Variants in VSTM2B observed in about 807,000 individuals in gnomAD.
The protein encoded by VSTM2B is V-set and transmembrane domain-containing protein 2B.
In VSTM2B, 24 loss-of-function variants were observed where a neutral mutation model predicts 24.0. The ratio of observed to expected loss-of-function variants is 1.00; its 90% confidence interval spans 0.72 to 1.40. The LOEUF (loss-of-function observed/expected upper bound fraction) is 1.40, where lower values mean the gene tolerates loss of function less well. VSTM2B is among the 40% of genes most tolerant of loss of function. The pLI is 0.00. For synonymous variants in VSTM2B, 226 were observed against 194.4 expected, an observed-to-expected ratio of 1.16 and a Z score of -1.35; for missense variants, 399 against 416.4, an observed-to-expected ratio of 0.96 and a Z score of 0.36.
At chr19:29,550,395 G>T (rs1568445192) in intron 4 of VSTM2B, among the ~76,000 whole-genome samples, 1 of 152,202 alleles carries the variant, frequency 6.6e-6, no homozygotes, top group Non-Finnish European at 1.5e-5. Context: ...TTGCACCACT[G>T]TACTCCAGCC....
chr19:29,528,589 G>A, intron 3 of VSTM2B, 127 bp downstream of exon 3: 2 of 1,199,452 alleles, frequency 1.7e-6, no homozygotes, highest in Non-Finnish European at 2.4e-6. Flanking sequence ...AGCGATCGCA[G>A]CCTTGCATCG....
chr19:29,530,591 G>T (rs529209201), intron 4 of VSTM2B, among the ~76,000 whole-genome samples: 2 of 152,114 alleles, frequency 1.3e-5, no homozygotes, highest in African/African-American at 4.8e-5. Flanking sequence ...CCTCTTTTGG[G>T]TTTGGAGAAC....
intron 4 of VSTM2B, among the ~76,000 whole-genome samples, chr19:29,551,046 A>G (rs76947410): frequency 0.064 from 9,788 of 152,320 alleles, 473 homozygotes; most frequent in African/African-American, 0.13. Context: ...GAAGCCATCC[A>G]TACTTCTAGA....
chr19:29,530,554 G>T (rs1488518954), intron 4 of VSTM2B, among the ~76,000 whole-genome samples: 2 of 152,190 alleles, frequency 1.3e-5, no homozygotes. Context: ...CTCAGGGTAC[G>T]CTGGAGGCTG....
chr19:29,554,518 G>A (rs937556151), intron 4 of VSTM2B, among the ~76,000 whole-genome samples: 5 of 152,130 alleles, frequency 3.3e-5, no homozygotes, highest in Non-Finnish European at 5.9e-5. Flanking sequence ...CAACAAGTCT[G>A]CAAAATAACC....
chr19:29,527,158 C>T, intron 1 of VSTM2B, 53 bp from the exon 2 acceptor site: 1 of 1,490,306 alleles, frequency 6.7e-7, no homozygotes, highest in Non-Finnish European at 9.1e-7. Flanking sequence ...TTAGGTTGCC[C>T]CAGGCCCCCG....
chr19:29,560,769 A>G lies in VSTM2B; in HGVS notation c.770-3077A>G, dbSNP rs532441361. Reference sequence around the variant, plus strand: ...AGTAGGTGAGGCTGTGATAGTGCCAATGACTAGTTGGGAGTACTTAGAGGC... The same window carrying G: ...AGTAGGTGAGGCTGTGATAGTGCCAGTGACTAGTTGGGAGTACTTAGAGGC... On this transcript the variant is annotated intron_variant, in intron 4 of 4. Transcript: ENST00000335523. Among the ~76,000 whole-genome samples the G allele has an allele frequency of 3.3e-4, 50 of 152,322 alleles. No homozygotes were observed. In the South Asian group the frequency reaches 0.01, roughly 31 times the overall value.
At chr19:29,535,512 G>A (rs374929115) in intron 4 of VSTM2B, among the ~76,000 whole-genome samples, 2 of 152,102 alleles carry the variant, frequency 1.3e-5, no homozygotes, top group East Asian at 3.9e-4. Flanking sequence ...GTGCCCACAC[G>A]GAGAACTGGC....
intron 4 of VSTM2B, among the ~76,000 whole-genome samples, chr19:29,535,147 C>T (rs572587444): frequency 5.7e-4 from 87 of 152,320 alleles, no homozygotes; most frequent in African/African-American, 1.9e-3. Flanking sequence ...GGCTGGGCCC[C>T]GTCTTAGCTG....
intron 4 of VSTM2B, among the ~76,000 whole-genome samples, chr19:29,551,876 C>A (rs1470931358): frequency 6.6e-6 from 1 of 152,222 alleles, no homozygotes; most frequent in African/African-American, 2.4e-5. Context: ...CCCAGGAACA[C>A]AGATGTCTCC....
At position 29,527,389 on chromosome 19, in the gene VSTM2B, G is replaced by C. The variant is rs762611968; in HGVS notation, c.261G>C (p.Arg87=). 4 of 1,531,786 alleles carry C rather than the reference G, an allele frequency of 2.6e-6. No individual in the cohort carries two copies. In the South Asian group the frequency reaches 4.9e-5, roughly 19 times the overall value. The allele number at this position is 1,531,786 out of a possible 1,614,324, so 94.9% of individuals were successfully genotyped here. A position where few individuals can be genotyped will look rare whatever the true frequency, so the allele number is the denominator to read the frequency against. ...HELALSVPGA[R]SKVTNKDATK... ...TGGCGCTCAGCGTGCCGGGCGCCCG[G>C]AGCAAGGTAACCCGCCGCCCACGCG... Residue 87 remains arginine (R), a synonymous_variant, in exon 2 of 5, where the codon CGG becomes CGC. Transcript: ENST00000335523.
rs906911623 is a variant in VSTM2B, at chr19:29,529,757, G to A, written c.298-62G>A. 20 of 1,484,430 alleles carry A rather than the reference G, an allele frequency of 1.3e-5. No individual in the cohort carries two copies. The East Asian group carries it at 1.8e-4, about 13-fold the overall frequency. The allele number at this position is 1,484,430 out of a possible 1,614,324, so 92.0% of individuals were successfully genotyped here. ...GCGGATGAGGGGGCGCGACGGCCAGGGTGGCCAGAAGAGTAGGTTTGGGAG... is the reference window on the plus strand; with the variant it reads ...GCGGATGAGGGGGCGCGACGGCCAGAGTGGCCAGAAGAGTAGGTTTGGGAG... On this transcript the variant is annotated intron_variant, in intron 3 of 4. Transcript: ENST00000335523.
At chr19:29,530,321 C>CG (rs1264204245) in intron 4 of VSTM2B, 31 bp downstream of exon 4, 2 of 1,472,610 alleles carry the variant, frequency 1.4e-6, no homozygotes, top group East Asian at 5.9e-5. Context: ...GGCGCACGCG[C>CG]GGGGATGGCG....
At position 29,526,463 on chromosome 19, in the gene VSTM2B, C is replaced by T. The variant is rs1012148674; in HGVS notation, c.-121C>T. The T allele has an allele frequency of 1.6e-5, 8 of 514,196 alleles. No individual in the cohort carries two copies. The highest frequency in any genetic ancestry group is 1.7e-5 in the Non-Finnish European group (6 of 357,940). The allele number at this position is 514,196 out of a possible 1,614,324, so 31.9% of individuals were successfully genotyped here. A position where few individuals can be genotyped will look rare whatever the true frequency, so the allele number is the denominator to read the frequency against. The stretch of plus-strand genomic sequence containing the variant: ...GGCCGCCGGCGGCCAGGGGAGGGGG[C>T]GCCGCGCGGGGCCATGGCAGGCTCG... On this transcript the variant is annotated 5_prime_UTR_variant, in exon 1 of 5. Transcript: ENST00000335523. This position sits in a 1 kb window ranked among gnomAD's most constrained non-coding sequence, Gnocchi z 4.1.
intron 4 of VSTM2B, among the ~76,000 whole-genome samples, chr19:29,550,746 G>A (rs2145500700): frequency 6.6e-6 from 1 of 151,996 alleles, no homozygotes. Context: ...CAGGCTGCAA[G>A]AGCCAGACCA....
chr19:29,540,898 G>T (rs1323769860), intron 4 of VSTM2B, among the ~76,000 whole-genome samples: 1 of 152,152 alleles, frequency 6.6e-6, no homozygotes, highest in Non-Finnish European at 1.5e-5. Flanking sequence ...AGTCAGGGAA[G>T]GGTCACCAAG....
chr19:29,526,732 G>T lies in VSTM2B; in HGVS notation c.82+67G>T. The stretch of plus-strand genomic sequence containing the variant: ...TCTTTGCTGGGGCCGCCACCGAGAA[G>T]AAGAAGAAAGAGAACGAACCGGGAA... On this transcript the variant is annotated intron_variant, in intron 1 of 4. Transcript: ENST00000335523. The surrounding 1 kb of genome is among the most constrained non-coding windows in gnomAD (Gnocchi z 4.1). 2 of 1,390,430 alleles carry T rather than the reference G, an allele frequency of 1.4e-6. No individual in the cohort carries two copies. Among genetic ancestry groups the T allele is most frequent in the Admixed American group, 2.1e-5 (1 of 47,464 alleles). The allele number at this position is 1,390,430 out of a possible 1,614,324, so 86.1% of individuals were successfully genotyped here.
intron 2 of VSTM2B, among the ~76,000 whole-genome samples, chr19:29,527,988 A>T (rs548447663): frequency 1.1e-3 from 173 of 151,978 alleles, no homozygotes; most frequent in African/African-American, 4.1e-3. Flanking sequence ...ACACACCTAC[A>T]TTCTCCCAGG....
chr19:29,553,357 A>G (rs949950553), intron 4 of VSTM2B, among the ~76,000 whole-genome samples: 1 of 152,248 alleles, frequency 6.6e-6, no homozygotes, highest in Non-Finnish European at 1.5e-5. Flanking sequence ...GAAGCCCTAC[A>G]GAAGCGGGGC....
Sources: allele counts gnomAD v4.1 joint callset (sites outside exome capture counted in the v4.1 genomes callset), GRCh38; gene constraint gnomAD v4.1.1; non-coding constraint Gnocchi (gnomAD v3.1); transcripts MANE v1.5; gene names NCBI Gene and HGNC (gene_info 2026-07-23, HGNC 2026-07-21).